MAP2: variants seen among roughly 807,000 people sequenced by gnomAD.
The protein encoded by MAP2 is microtubule-associated protein 2.
Under a neutral mutation model 137.6 loss-of-function variants are expected in MAP2, and 14 were observed. The ratio of observed to expected loss-of-function variants is 0.10; its 90% CI spans 0.07 to 0.16. The LOEUF (loss-of-function observed/expected upper bound fraction) is 0.16. Among genes scored for constraint, MAP2 ranks in the 10% least tolerant of loss-of-function variants. The pLI, the probability that MAP2 is intolerant of heterozygous loss-of-function variation, is 1.00. For missense variants in MAP2, 2,088 were observed against 2,191.5 expected (o/e 0.95, Z 0.94); for synonymous variants, 786 against 782.3 (o/e 1.00, Z -0.08).
intron 1 of MAP2, among the ~76,000 whole-genome samples, chr2:209,490,435 C>G (rs1369393461): frequency 6.6e-6 from 1 of 151,048 alleles, no homozygotes; most frequent in African/African-American, 2.4e-5. Flanking sequence ...CAATACGAAC[C>G]TTAAGTGTAA....
At chr2:209,601,320 T>C (rs555191467) in intron 3 of MAP2, among the ~76,000 whole-genome samples, 136 of 152,332 alleles carry the variant, frequency 8.9e-4, no homozygotes, top group African/African-American at 2.5e-3. Flanking sequence ...ATTTTATTTT[T>C]AGAACATTTT....
chr2:209,593,857 AAT>A (rs1472821021), intron 3 of MAP2, among the ~76,000 whole-genome samples: 6 of 114,310 alleles, frequency 5.2e-5, no homozygotes, highest in South Asian at 2.4e-4. Context: ...TATATTATAA[AAT>A]ATATATTTAT....
At chr2:209,663,676 A>G (rs1213671781) in intron 5 of MAP2, among the ~76,000 whole-genome samples, 1 of 152,164 alleles carries the variant, frequency 6.6e-6, no homozygotes, top group East Asian at 1.9e-4. Context: ...TCAGAGAAAA[A>G]TCATCCTAAA....
chr2:209,424,711 TG>T (rs1168713981), intron 1 of MAP2, among the ~76,000 whole-genome samples: 1 of 152,170 alleles, frequency 6.6e-6, no homozygotes, highest in Non-Finnish European at 1.5e-5. Flanking sequence ...AACTGCACAC[TG>T]GGAAGTGAGT....
At chr2:209,617,780 G>C (rs557987419) in intron 3 of MAP2, among the ~76,000 whole-genome samples, 1 of 152,196 alleles carries the variant, frequency 6.6e-6, no homozygotes, top group East Asian at 1.9e-4. Flanking sequence ...TGAATGTTGG[G>C]GGTGGGGGAG....
intron 1 of MAP2, among the ~76,000 whole-genome samples, chr2:209,487,218 G>A (rs1486962607): frequency 6.6e-6 from 1 of 152,158 alleles, no homozygotes; most frequent in Non-Finnish European, 1.5e-5. Flanking sequence ...ACTCACCCGA[G>A]AGAAAGCCTC....
chr2:209,480,375 A>G (rs1397425860), intron 1 of MAP2, among the ~76,000 whole-genome samples: 1 of 152,128 alleles, frequency 6.6e-6, no homozygotes, highest in African/African-American at 2.4e-5. Context: ...GCCATTGTAC[A>G]CTTTTTGTTC....
chr2:209,635,645 G>C (rs550891822), intron 4 of MAP2, among the ~76,000 whole-genome samples: 1 of 151,806 alleles, frequency 6.6e-6, no homozygotes, highest in East Asian at 1.9e-4. Context: ...AAGCTGTTCT[G>C]TTGGATAAAT....
intron 3 of MAP2, among the ~76,000 whole-genome samples, chr2:209,589,449 C>G (rs1284420088): frequency 6.6e-6 from 1 of 152,134 alleles, no homozygotes; most frequent in East Asian, 1.9e-4. Context: ...TGCCCTAAAT[C>G]TACAATATTT....
intron 2 of MAP2, among the ~76,000 whole-genome samples, chr2:209,566,341 CGTGAAACTAAA>C (rs1320716467): frequency 1.8e-4 from 27 of 152,230 alleles, no homozygotes; most frequent in African/African-American, 6.5e-4. Context: ...TTGGAAGGCA[CGTGAAACTAAA>C]ATCTTCCTTG....
At chr2:209,535,994 TA>T (rs2065893314) in intron 2 of MAP2, among the ~76,000 whole-genome samples, 1 of 152,136 alleles carries the variant, frequency 6.6e-6, no homozygotes, top group Non-Finnish European at 1.5e-5. Flanking sequence ...AATTTTATAC[TA>T]AGAAACAGAA....
At chr2:209,509,624 A>G (rs781563791) in intron 2 of MAP2, among the ~76,000 whole-genome samples, 1 of 151,984 alleles carries the variant, frequency 6.6e-6, no homozygotes. Context: ...GAAACAGCCA[A>G]GTTATCAAAA....
At position 209,580,012 on chromosome 2, in the gene MAP2, GTTTCTT is replaced by G. The variant is rs2076054069; in HGVS notation, c.-171-21_-171-16del. 2.8e-5 allele frequency: 3 copies of G among 105,464 alleles called. No individual in the cohort carries two copies. The highest frequency in any genetic ancestry group is 5.9e-5 in the Non-Finnish European group (3 of 50,616). 6.5% of individuals were successfully genotyped at this position (105,464 alleles called of 1,614,324 possible). A position where few individuals can be genotyped will look rare whatever the true frequency, so the allele number is the denominator to read the frequency against. On this transcript the variant is annotated intron_variant, in intron 2 of 15. Transcript: ENST00000682079. ...CAAATCCATATATATATATATATATGTTTCTTTTGTTTTGTTTCGGTAGATTCTTCA... is the reference window on the plus strand; with the variant it reads ...CAAATCCATATATATATATATATATGTTGTTTTGTTTCGGTAGATTCTTCA...
intron 5 of MAP2, among the ~76,000 whole-genome samples, chr2:209,668,800 C>T (rs1057275354): frequency 1.2e-4 from 18 of 152,020 alleles, no homozygotes; most frequent in African/African-American, 3.1e-4. Context: ...TTTTATTTTA[C>T]AGCATTATTA....
rs1248154613 is a variant in MAP2 at position 209,694,106 on chromosome 2, T to G, written c.1936T>G (p.Ser646Ala). 1 of 1,613,776 alleles carries G rather than the reference T, an allele frequency of 6.2e-7. No homozygotes were observed. Among genetic ancestry groups the G allele is most frequent in the Non-Finnish European group, 8.5e-7 (1 of 1,179,986 alleles). The stretch of plus-strand genomic sequence containing the variant: ...CAGCACTCTCGCACAGAGTTATCCA[T>G]CAGATTTACCTGAAGAACCCAGTTC... ...GYSTLAQSYP[S>A]DLPEEPSSPQ... Residue 646 changes from serine to alanine, a missense_variant, in exon 8 of 16, where the codon TCA (serine) becomes GCA (alanine). Ser to Ala is a moderately conservative substitution (Grantham distance 99). Transcript: ENST00000682079.
intron 2 of MAP2, among the ~76,000 whole-genome samples, chr2:209,567,343 C>A (rs1379767829): frequency 6.6e-6 from 1 of 152,096 alleles, no homozygotes; most frequent in Non-Finnish European, 1.5e-5. Flanking sequence ...GATTCCGTAA[C>A]TATTTTCCTT....
intron 4 of MAP2, among the ~76,000 whole-genome samples, chr2:209,625,528 A>G (rs2092145335): frequency 6.6e-6 from 1 of 152,132 alleles, no homozygotes; most frequent in Admixed American, 6.6e-5. Context: ...AGATATGGGG[A>G]TCATCCCCAT....
At chr2:209,711,612 C>T (rs1584295432) in intron 13 of MAP2, among the ~76,000 whole-genome samples, 1 of 152,138 alleles carries the variant, frequency 6.6e-6, no homozygotes. Flanking sequence ...GCCTATAATT[C>T]CTAAAAAACT....
intron 1 of MAP2, among the ~76,000 whole-genome samples, chr2:209,452,651 A>G (rs1033002433): frequency 8.5e-5 from 13 of 152,182 alleles, no homozygotes; most frequent in African/African-American, 3.1e-4. Context: ...AGAATTCTGG[A>G]TAGCAATATA....
Sources: allele counts gnomAD v4.1 joint callset (sites outside exome capture counted in the v4.1 genomes callset), GRCh38; gene constraint gnomAD v4.1.1; transcripts MANE v1.5; gene names NCBI Gene and HGNC (gene_info 2026-07-23, HGNC 2026-07-21).